Variants in KCNN3 observed in about 807,000 individuals in gnomAD.
KCNN3 encodes small conductance calcium-activated potassium channel protein 3.
In KCNN3, 16 loss-of-function variants were observed where a neutral mutation model predicts 62.9. The ratio of observed to expected loss-of-function variants is 0.25; its 90% CI spans 0.17 to 0.39. The LOEUF (loss-of-function observed/expected upper bound fraction) is 0.39. Ranked by LOEUF, KCNN3 falls within the 10% of genes least tolerant of loss-of-function variation. The probability of loss-of-function intolerance (pLI) is 1.00; values close to 1 mark genes in which losing one functional copy is unlikely to be tolerated. For synonymous variants in KCNN3, 370 were observed against 389.2 expected, an observed-to-expected ratio of 0.95 and a Z score of 0.58; for missense variants, 599 against 949.4, an observed-to-expected ratio of 0.63 and a Z score of 4.85.
At chr1:154,820,342 A>C (rs1303098408) in intron 2 of KCNN3, among the ~76,000 whole-genome samples, 3 of 152,180 alleles carry the variant, frequency 2.0e-5, no homozygotes, top group African/African-American at 7.2e-5. Context: ...CAGGCCTAGC[A>C]CCACCAAAGT....
intron 3 of KCNN3, among the ~76,000 whole-genome samples, chr1:154,754,332 T>C (rs1448187120): frequency 6.6e-6 from 1 of 151,764 alleles, no homozygotes; most frequent in African/African-American, 2.4e-5. Flanking sequence ...ACCATAGAGC[T>C]TGGTGCCTAA....
rs893433935 is a variant in KCNN3, at chr1:154,869,873, T to G, written c.92A>C (p.Gln31Pro). 1 of 1,601,842 alleles carries G rather than the reference T, an allele frequency of 6.2e-7. No homozygotes were observed. Among genetic ancestry groups the G allele is most frequent in the Admixed American group, 1.7e-5 (1 of 58,922 alleles). The change falls in exon 1 of 8, where the codon CAG becomes CCG. Residue 31 changes from glutamine to proline, a missense_variant. Gln to Pro is a moderately conservative substitution (Grantham distance 76). Transcript: ENST00000271915. The surrounding 1 kb of genome is among the most constrained non-coding windows in gnomAD (Gnocchi z 6.1). ...CPCPSSGDEQ[Q>P]QQQQQQQQQQ... ...CTGCTGTTGCTGCTGCTGCTGCTGCTGCTGCTCATCCCCAGAGGATGGACA... is the reference window on the plus strand; with the variant it reads ...CTGCTGTTGCTGCTGCTGCTGCTGCGGCTGCTCATCCCCAGAGGATGGACA...
intron 6 of KCNN3, among the ~76,000 whole-genome samples, chr1:154,714,654 G>C (rs1700196297): frequency 7.5e-6 from 1 of 132,718 alleles, no homozygotes; most frequent in South Asian, 2.4e-4. Flanking sequence ...TGTGTAGAAT[G>C]TGAAAGCTCT....
At position 154,772,792 on chromosome 1, in the gene KCNN3, GTCGGGGTGGGGA is replaced by G. The variant is rs1648621252; in HGVS notation, c.1030-411_1030-400del. On this transcript the variant is annotated intron_variant, in intron 2 of 7. Transcript: ENST00000271915. The surrounding 1 kb of genome is among the most constrained non-coding windows in gnomAD (Gnocchi z 5.6). ...ATGAGATGACTAGTGGCTGGGGTCG[GTCGGGGTGGGGA>G]TCCAGGGTGGCCTCAGGATGGCGCT... is the stretch of plus-strand genomic sequence containing the variant. Among the ~76,000 whole-genome samples the G allele has an allele frequency of 6.6e-6, 1 of 152,164 alleles. No homozygotes were observed. Among genetic ancestry groups the G allele is most frequent in the African/African-American group, 2.4e-5 (1 of 41,430 alleles).
chr1:154,784,124 A>G lies in KCNN3; in HGVS notation c.1030-11731T>C, dbSNP rs149482605. 4.1e-3 allele frequency among the ~76,000 whole-genome samples: 624 copies of G among 152,212 alleles called. 6 individuals are homozygous for G. The highest frequency in any genetic ancestry group is 0.015 in the African/African-American group (606 of 41,520). On this transcript the variant is annotated intron_variant, in intron 2 of 7. Transcript: ENST00000271915. ...GGGGTGGGAGTTTGTAACCAATTAT[A>G]TTTGAAGCAGTAAGGCCAAGTGACC... is the stretch of plus-strand genomic sequence containing the variant.
intron 2 of KCNN3, among the ~76,000 whole-genome samples, chr1:154,800,499 C>T (rs978426086): frequency 5.9e-5 from 9 of 152,066 alleles, no homozygotes; most frequent in South Asian, 2.1e-4. Flanking sequence ...TGCTCAGGGC[C>T]GGTGATTGTT....
At chr1:154,726,156 C>T (rs1557944295) in intron 4 of KCNN3, 130 bp from the exon 5 acceptor site, 4 of 662,884 alleles carry the variant, frequency 6.0e-6, no homozygotes, top group Non-Finnish European at 1.1e-5. Flanking sequence ...AGCTCTCTGG[C>T]TGGTCACGAC....
intron 2 of KCNN3, among the ~76,000 whole-genome samples, chr1:154,811,601 A>G (rs17663177): frequency 0.058 from 8,855 of 152,266 alleles, 291 homozygotes; most frequent in Non-Finnish European, 0.073. Flanking sequence ...AAACTGCTCA[A>G]TTGAATTGCA....
Position 154,772,301 on chromosome 1 carries a change from G to T in KCNN3, c.1122C>A (p.Ala374=), listed in dbSNP as rs1374628109. ...LYISLEMLVC[A]IHPIPGEYKF... is the part of the protein sequence containing the mutation. ...TGTACTCGCCAGGAATGGGGTGGAT[G>T]GCGCACACCAGCATCTCCAGGCTGA... The change falls in exon 3 of 8, where the codon GCC becomes GCA. Residue 374 remains alanine, a synonymous_variant. Coordinates refer to ENST00000271915, the MANE Select transcript of KCNN3 (RefSeq NM_002249.6). This position sits in a 1 kb window ranked among gnomAD's most constrained non-coding sequence, Gnocchi z 5.6. 1.2e-6 allele frequency: 2 copies of T among 1,614,174 alleles called. No individual in the cohort carries two copies. Among genetic ancestry groups the T allele is most frequent in the Non-Finnish European group, 1.7e-6 (2 of 1,180,016 alleles).
At chr1:154,760,371 G>A (rs1647942140) in intron 3 of KCNN3, among the ~76,000 whole-genome samples, 1 of 150,502 alleles carries the variant, frequency 6.6e-6, no homozygotes, top group Non-Finnish European at 1.5e-5. Context: ...ATCACAGAAC[G>A]AGAAAGCGGC....
intron 2 of KCNN3, among the ~76,000 whole-genome samples, chr1:154,807,316 G>A (rs966182488): frequency 6.6e-6 from 1 of 152,200 alleles, no homozygotes; most frequent in Non-Finnish European, 1.5e-5. Flanking sequence ...CCCAACAGCA[G>A]CTGGGGCAAG....
At chr1:154,729,476 C>T (rs1442185365) in intron 4 of KCNN3, among the ~76,000 whole-genome samples, 1 of 152,002 alleles carries the variant, frequency 6.6e-6, no homozygotes, top group Non-Finnish European at 1.5e-5. Flanking sequence ...CAAATCTGGA[C>T]CGAGACTCCT....
rs1699925458 is a variant in KCNN3, at chr1:154,704,425, T to C, written c.*3551A>G. The C allele has an allele frequency of 6.6e-6, 1 of 152,228 alleles. No individual in the cohort carries two copies. The highest frequency in any genetic ancestry group is 1.5e-5 in the Non-Finnish European group (1 of 68,046). 9.4% of individuals were successfully genotyped at this position (152,228 alleles called of 1,614,324 possible). A position where few individuals can be genotyped will look rare whatever the true frequency, so the allele number is the denominator to read the frequency against. ...CAAAGGTGAAGACTTTTATTTGGACTTCAATCTAAGGAGGAGTGAGCCCCT... is the reference window on the plus strand; with the variant it reads ...CAAAGGTGAAGACTTTTATTTGGACCTCAATCTAAGGAGGAGTGAGCCCCT... On this transcript the variant is annotated 3_prime_UTR_variant, in exon 8 of 8. Coordinates refer to ENST00000271915, the MANE Select transcript of KCNN3 (RefSeq NM_002249.6).
intron 4 of KCNN3, among the ~76,000 whole-genome samples, chr1:154,726,702 A>G (rs1700473145): frequency 6.6e-6 from 1 of 152,212 alleles, no homozygotes; most frequent in Non-Finnish European, 1.5e-5. Flanking sequence ...TGCCTTCACC[A>G]GGAGGCTCAT....
rs566654745 is a variant in KCNN3 at position 154,699,576 on chromosome 1, T to C, written c.*8400A>G. 3 of 152,348 alleles carry C rather than the reference T, an allele frequency of 2.0e-5. No individual in the cohort carries two copies. Among genetic ancestry groups the C allele is most frequent in the East Asian group, 3.9e-4 (2 of 5,190 alleles). 9.4% of individuals were successfully genotyped at this position (152,348 alleles called of 1,614,324 possible). ...CTGTTTCTGGGTACATATCGAGTTA[T>C]GGCGCCAATATCAGAATTCACGTCT... is the stretch of plus-strand genomic sequence containing the variant. On this transcript the variant is annotated 3_prime_UTR_variant, in exon 8 of 8. Coordinates refer to ENST00000271915, the MANE Select transcript of KCNN3 (RefSeq NM_002249.6).
At chr1:154,739,687 T>C (rs1700788649) in intron 3 of KCNN3, among the ~76,000 whole-genome samples, 1 of 152,230 alleles carries the variant, frequency 6.6e-6, no homozygotes, top group African/African-American at 2.4e-5. Flanking sequence ...TGATAGACTT[T>C]CATTTCTGAA....
At chr1:154,788,631 C>T (rs998838966) in intron 2 of KCNN3, among the ~76,000 whole-genome samples, 1 of 152,140 alleles carries the variant, frequency 6.6e-6, no homozygotes, top group African/African-American at 2.4e-5. Context: ...CAAATACTCC[C>T]CTGCCTTCCT....
intron 3 of KCNN3, among the ~76,000 whole-genome samples, chr1:154,734,216 G>A (rs889875568): frequency 3.3e-5 from 5 of 152,176 alleles, no homozygotes; most frequent in East Asian, 3.9e-4. Context: ...CTTCCAAACC[G>A]TTCTCTAATG....
chr1:154,712,402 G>A (rs1700097691), intron 7 of KCNN3, among the ~76,000 whole-genome samples: 1 of 152,098 alleles, frequency 6.6e-6, no homozygotes, highest in South Asian at 2.1e-4. Flanking sequence ...AGGCACGCGG[G>A]CCTGGAGGCT....
Sources: allele counts gnomAD v4.1 joint callset (sites outside exome capture counted in the v4.1 genomes callset), GRCh38; gene constraint gnomAD v4.1.1; non-coding constraint Gnocchi (gnomAD v3.1); transcripts MANE v1.5; gene names NCBI Gene and HGNC (gene_info 2026-07-23, HGNC 2026-07-21).